Variants in CELF6 observed in about 807,000 individuals in gnomAD.
CELF6 encodes the protein CUGBP Elav-like family member 6.
Under a neutral mutation model 53.1 loss-of-function variants are expected in CELF6, and 32 were observed. The ratio of observed to expected loss-of-function variants is 0.60; its 90% CI spans 0.46 to 0.81. The LOEUF (loss-of-function observed/expected upper bound fraction) is 0.81, where lower values mean the gene tolerates loss of function less well. CELF6 is among the 30% of genes least tolerant of loss of function. The pLI, the probability that CELF6 is intolerant of heterozygous loss-of-function variation, is 0.00. For missense variants in CELF6, 539 were observed against 669.5 expected (o/e 0.81, Z 2.15); for synonymous variants, 291 against 288.8 (o/e 1.01, Z -0.08).
At chr15:72,287,442 C>T (rs1452557308) in intron 11 of CELF6, 50 bp from the exon 12 acceptor site, 5 of 1,606,476 alleles carry the variant, frequency 3.1e-6, no homozygotes, top group Admixed American at 3.4e-5. Flanking sequence ...CTAGCAGGGC[C>T]TCCTTTCTCT....
intron 3 of CELF6, among the ~76,000 whole-genome samples, chr15:72,296,042 A>C (rs2088073681): frequency 2.0e-5 from 3 of 152,214 alleles, no homozygotes; most frequent in Admixed American, 2.0e-4. Context: ...ATATAGACCA[A>C]TGGAATAGAA....
At chr15:72,312,914 G>A (rs1247925128) in intron 2 of CELF6, among the ~76,000 whole-genome samples, 1 of 152,224 alleles carries the variant, frequency 6.6e-6, no homozygotes, top group Admixed American at 6.5e-5. Context: ...AAGATTGATG[G>A]CACAGGCATT....
At chr15:72,313,300 A>C (rs8032276) in intron 2 of CELF6, among the ~76,000 whole-genome samples, 11,471 of 152,284 alleles carry the variant, frequency 0.075, 1,436 homozygotes, top group African/African-American at 0.26. Context: ...AATGCCAATA[A>C]CAATACCTTA....
rs1296246084 is a variant in CELF6, at chr15:72,288,167, C to T, written c.1318+141G>A. The T allele has an allele frequency of 2.4e-5, 23 of 942,708 alleles. No homozygotes were observed. The highest frequency in any genetic ancestry group is 2.7e-4 in the Middle Eastern group (1 of 3,640). 58.4% of individuals were successfully genotyped at this position (942,708 alleles called of 1,614,324 possible). ...CTTGTTGTTGGCCTAAACTTAGGCC[C>T]ATCACTGGTTTGTGACCCTGTTTTG... On this transcript the variant is annotated intron_variant, in intron 11 of 12. Coordinates refer to ENST00000287202, the MANE Select transcript of CELF6 (RefSeq NM_052840.5). This position sits in a 1 kb window ranked among gnomAD's most constrained non-coding sequence, Gnocchi z 4.6.
At chr15:72,292,278 G>T (rs2088015816) in intron 3 of CELF6, 2 of 1,528,826 alleles carry the variant, frequency 1.3e-6, no homozygotes, top group African/African-American at 2.8e-5. Flanking sequence ...GAGAAGACAG[G>T]AAAGGTCTTT....
At chr15:72,287,447 TTCTC>T in intron 11 of CELF6, 55 bp from the exon 12 acceptor site, 1 of 1,604,732 alleles carries the variant, frequency 6.2e-7, no homozygotes, top group Non-Finnish European at 8.5e-7. Context: ...AGGGCCTCCT[TTCTC>T]TCTGACCAGC....
At chr15:72,307,038 A>G (rs956035762) in intron 2 of CELF6, among the ~76,000 whole-genome samples, 6 of 151,878 alleles carry the variant, frequency 4.0e-5, no homozygotes, top group African/African-American at 1.5e-4. Flanking sequence ...CTGGTAGGGA[A>G]GAAGGCCAAA....
intron 1 of CELF6, among the ~76,000 whole-genome samples, chr15:72,318,784 TG>T (rs1037164637): frequency 6.6e-6 from 1 of 151,892 alleles, no homozygotes; most frequent in African/African-American, 2.4e-5. Flanking sequence ...TAAAGAGGAC[TG>T]GGGAGGAGCA....
In CELF6 at chr15:72,288,212, G is replaced by A. The variant is rs2087946800; in HGVS notation, c.1318+96C>T. 3 of 1,330,384 alleles carry A rather than the reference G, an allele frequency of 2.3e-6. No homozygotes were observed. The highest frequency in any genetic ancestry group is 3.2e-6 in the Non-Finnish European group (3 of 927,430). The allele number at this position is 1,330,384 out of a possible 1,614,324, so 82.4% of individuals were successfully genotyped here. On this transcript the variant is annotated intron_variant, in intron 11 of 12. Coordinates refer to ENST00000287202, the MANE Select transcript of CELF6 (RefSeq NM_052840.5). The surrounding 1 kb of genome is among the most constrained non-coding windows in gnomAD (Gnocchi z 4.6). ...GTTTTGTGCCATACATTCAATCTCA[G>A]GAAATCACTGCATTATGGAAGGGCA...
At chr15:72,299,972 A>G (rs2088131058) in intron 3 of CELF6, among the ~76,000 whole-genome samples, 1 of 152,256 alleles carries the variant, frequency 6.6e-6, no homozygotes, top group African/African-American at 2.4e-5. Flanking sequence ...GGACCTTGAC[A>G]TCTTCCATCA....
Position 72,319,422 on chromosome 15 carries a change from C to T in CELF6, c.262+191G>A, listed in dbSNP as rs2088399700. Among the ~76,000 whole-genome samples the T allele has an allele frequency of 6.6e-6, 1 of 151,898 alleles. No homozygotes were observed. Among genetic ancestry groups the T allele is most frequent in the Non-Finnish European group, 1.5e-5 (1 of 68,000 alleles). On this transcript the variant is annotated intron_variant, in intron 1 of 12. Coordinates refer to ENST00000287202, the MANE Select transcript of CELF6 (RefSeq NM_052840.5). The surrounding 1 kb of genome is among the most constrained non-coding windows in gnomAD (Gnocchi z 5.0). ...TAGAGTGGAGAACATGTTAGGGGAC[C>T]ACAGTGATAATCAGAGGGAGGATGT...
rs2087988028 is a variant in CELF6, at chr15:72,290,245, C to A, written c.405G>T (p.Lys135Asn). 1 of 1,613,314 alleles carries A rather than the reference C, an allele frequency of 6.2e-7. No individual in the cohort carries two copies. Among genetic ancestry groups the A allele is most frequent in the Non-Finnish European group, 8.5e-7 (1 of 1,179,748 alleles). ...GCTTGCCCAGCATCCCCACAAACAG[C>A]TTTCGGTCCTCTGGGGACAAAGCCA... ...AASEGRGEDR[K>N]LFVGMLGKQQ... The change falls in exon 4 of 13, where the codon AAG (lysine) becomes AAT (asparagine). Residue 135 changes from lysine to asparagine, a missense_variant. Lys to Asn is a moderately conservative substitution (Grantham distance 94). Around this residue, in one of 3 missense-constraint regions of CELF6, gnomAD observed 97 missense variants for 168.8 expected, o/e 0.57. Coordinates refer to ENST00000287202, the MANE Select transcript of CELF6 (RefSeq NM_052840.5).
intron 2 of CELF6, among the ~76,000 whole-genome samples, chr15:72,307,456 T>C (rs948446669): frequency 6.6e-6 from 1 of 152,212 alleles, no homozygotes; most frequent in East Asian, 1.9e-4. Flanking sequence ...GAAGATAATG[T>C]TACCATTTCC....
chr15:72,293,553 G>A (rs568414302), intron 3 of CELF6, among the ~76,000 whole-genome samples: 2 of 152,292 alleles, frequency 1.3e-5, no homozygotes, highest in Admixed American at 1.3e-4. Flanking sequence ...AAACATGGAC[G>A]CTCAACCTTC....
intron 3 of CELF6, among the ~76,000 whole-genome samples, chr15:72,303,871 G>A (rs1293601621): frequency 7.3e-5 from 11 of 151,282 alleles, no homozygotes; most frequent in Admixed American, 7.2e-4. Context: ...TTTTGTTTTT[G>A]TTTTGATACA....
At position 72,289,537 on chromosome 15, in the gene CELF6, G is replaced by C. The variant is rs2087974630; in HGVS notation, c.748-30C>G. 1 of 1,496,384 alleles carries C rather than the reference G, an allele frequency of 6.7e-7. No homozygotes were observed. The allele number at this position is 1,496,384 out of a possible 1,614,324, so 92.7% of individuals were successfully genotyped here. ...GAGAGGAAAGATGGGCGAGAGTGGA[G>C]GGCCAAGGGGCAGGCAGCTGCCCGT... On this transcript the variant is annotated intron_variant, in intron 6 of 12. Transcript: ENST00000287202. The surrounding 1 kb of genome is among the most constrained non-coding windows in gnomAD (Gnocchi z 7.6).
At chr15:72,318,993 G>C (rs1476063171) in intron 1 of CELF6, among the ~76,000 whole-genome samples, 1 of 152,172 alleles carries the variant, frequency 6.6e-6, no homozygotes, top group African/African-American at 2.4e-5. Flanking sequence ...TGAACATGAG[G>C]GGGTGTCTGG....
chr15:72,316,582 C>T (rs917143120), intron 1 of CELF6, among the ~76,000 whole-genome samples: 4 of 152,076 alleles, frequency 2.6e-5, no homozygotes, highest in Non-Finnish European at 5.9e-5. Flanking sequence ...TGAGGTAGGG[C>T]CTCTTAAAGA....
chr15:72,306,904 CA>C (rs1170442887), intron 2 of CELF6, among the ~76,000 whole-genome samples: 1 of 151,908 alleles, frequency 6.6e-6, no homozygotes, highest in East Asian at 1.9e-4. Context: ...CACTGGCAGA[CA>C]GAAATGATGT....
Sources: allele counts gnomAD v4.1 joint callset (sites outside exome capture counted in the v4.1 genomes callset), GRCh38; gene constraint gnomAD v4.1.1; regional missense constraint gnomAD v4.1.1; non-coding constraint Gnocchi (gnomAD v3.1); transcripts MANE v1.5; gene names NCBI Gene and HGNC (gene_info 2026-07-23, HGNC 2026-07-21).